MID2: variants seen among roughly 807,000 people sequenced by gnomAD.
MID2 encodes probable E3 ubiquitin-protein ligase MID2.
In MID2, 13 loss-of-function variants were observed where a neutral mutation model predicts 46.1. The observed-to-expected ratio is 0.28, with a 90% CI of 0.18 to 0.45. The LOEUF (loss-of-function observed/expected upper bound fraction) is 0.45, where lower values mean the gene tolerates loss of function less well. MID2 is among the 20% of genes least tolerant of loss of function. The pLI is 1.00. For missense variants in MID2, 431 were observed against 575.4 expected, an observed-to-expected ratio of 0.75 and a Z score of 2.57; for synonymous variants, 199 against 212.3, an observed-to-expected ratio of 0.94 and a Z score of 0.55.
chrX:107,844,876 G>A (rs1457683129), intron 2 of MID2, among the ~76,000 whole-genome samples: 2 of 111,753 alleles, frequency 1.8e-5, no homozygotes, highest in East Asian at 5.6e-4. Flanking sequence ...TCACAGCTAC[G>A]TCATAATCTC....
chrX:107,897,552 G>A (rs1932756369), intron 3 of MID2, among the ~76,000 whole-genome samples: 1 of 111,868 alleles, frequency 8.9e-6, no homozygotes, highest in Non-Finnish European at 1.9e-5. Flanking sequence ...TTGAAATGTT[G>A]CAGTGTTTAC....
At chrX:107,841,993 A>AAAAAC (rs1008321315) in intron 2 of MID2, among the ~76,000 whole-genome samples, 33 of 112,890 alleles carry the variant, frequency 2.9e-4, no homozygotes, top group Admixed American at 1.7e-3. Context: ...GCCTGCCTTT[A>AAAAAC]AAAACAAAAC....
At chrX:107,861,631 A>C (rs1044302553) in intron 3 of MID2, among the ~76,000 whole-genome samples, 2 of 112,189 alleles carry the variant, frequency 1.8e-5, no homozygotes, top group Non-Finnish European at 3.8e-5. Flanking sequence ...AAAACAGACA[A>C]ACAAACAAAC....
At chrX:107,834,263 A>G (rs969482657) in intron 1 of MID2, among the ~76,000 whole-genome samples, 2 of 112,053 alleles carry the variant, frequency 1.8e-5, no homozygotes, top group Non-Finnish European at 3.8e-5. Context: ...ACAAACATAC[A>G]TATCTGACTA....
chrX:107,885,513 G>A (rs1400238752), intron 3 of MID2, among the ~76,000 whole-genome samples: 1 of 111,243 alleles, frequency 9.0e-6, no homozygotes, highest in African/African-American at 3.3e-5. Flanking sequence ...TTTTGATCCA[G>A]TCTATTATTG....
At chrX:107,897,422 T>C (rs1313356138) in intron 3 of MID2, among the ~76,000 whole-genome samples, 1 of 112,088 alleles carries the variant, frequency 8.9e-6, no homozygotes, top group Non-Finnish European at 1.9e-5. Flanking sequence ...AATAATTTCA[T>C]TTATTTCTTG....
intron 3 of MID2, among the ~76,000 whole-genome samples, chrX:107,885,649 G>C (rs1421360958): frequency 8.9e-6 from 1 of 111,759 alleles, no homozygotes; most frequent in Non-Finnish European, 1.9e-5. Flanking sequence ...TAATGGGATG[G>C]CTGGGACAAA....
chrX:107,838,278 C>T (rs1454420549), intron 1 of MID2, among the ~76,000 whole-genome samples: 3 of 112,023 alleles, frequency 2.7e-5, no homozygotes, highest in Non-Finnish European at 3.8e-5. Flanking sequence ...ATGGAGCTCT[C>T]TAAGGCAATA....
At chrX:107,849,179 A>C (rs1343446613) in intron 2 of MID2, among the ~76,000 whole-genome samples, 3 of 112,251 alleles carry the variant, frequency 2.7e-5, no homozygotes, top group African/African-American at 9.7e-5. Flanking sequence ...GAATACAGAC[A>C]TTCTATGACA....
intron 2 of MID2, among the ~76,000 whole-genome samples, chrX:107,842,853 T>A (rs908286777): frequency 3.6e-5 from 4 of 112,070 alleles, no homozygotes; most frequent in Admixed American, 2.8e-4. Context: ...TAAAGTTGTA[T>A]AAACAGACCT....
chrX:107,866,874 G>A (rs1229446306), intron 3 of MID2, among the ~76,000 whole-genome samples: 1 of 112,256 alleles, frequency 8.9e-6, no homozygotes, highest in Non-Finnish European at 1.9e-5. Flanking sequence ...GTCATGCCAA[G>A]TGCTTTACAT....
At chrX:107,826,931 C>T (rs972806735) in intron 1 of MID2, among the ~76,000 whole-genome samples, 3 of 113,201 alleles carry the variant, frequency 2.7e-5, no homozygotes, top group Non-Finnish European at 5.6e-5. Flanking sequence ...CCCGGTGAAA[C>T]TTAATCCCTT....
chrX:107,890,645 T>G (rs759296663), intron 3 of MID2, among the ~76,000 whole-genome samples: 1 of 112,273 alleles, frequency 8.9e-6, no homozygotes, highest in East Asian at 2.8e-4. Flanking sequence ...TCTTCAAAGC[T>G]GTCAGACAGG....
At chrX:107,876,288 A>G (rs905428287) in intron 3 of MID2, among the ~76,000 whole-genome samples, 2 of 111,102 alleles carry the variant, frequency 1.8e-5, no homozygotes, top group African/African-American at 6.6e-5. Flanking sequence ...CTAAAGTACT[A>G]TCTGGTCCCA....
chrX:107,923,644 C>T (rs768310810), intron 7 of MID2, among the ~76,000 whole-genome samples: 39 of 110,899 alleles, frequency 3.5e-4, no homozygotes, highest in South Asian at 7.7e-4. Context: ...CTGTGGAGAC[C>T]GGCTAGTTTG....
At chrX:107,912,180 C>T (rs952125732) in intron 5 of MID2, among the ~76,000 whole-genome samples, 1 of 111,797 alleles carries the variant, frequency 8.9e-6, no homozygotes. Flanking sequence ...TTCTAGCTTC[C>T]AAACATTTGT....
In MID2 at chrX:107,931,174, C is replaced by T. The variant is rs957461084; in HGVS notation, c.*4101C>T. 8.9e-6 allele frequency among the ~76,000 whole-genome samples: 1 copy of T among 112,151 alleles called. No homozygotes were observed. Among genetic ancestry groups the T allele is most frequent in the Non-Finnish European group, 1.9e-5 (1 of 53,184 alleles). ...ATATGACTACCAAGATGGAGCAATC[C>T]ACGGATGGACTTTTGAATAAACTCA... On this transcript the variant is annotated 3_prime_UTR_variant, in exon 10 of 10. Transcript: ENST00000262843.
At chrX:107,836,147 C>G (rs1343857848) in intron 1 of MID2, among the ~76,000 whole-genome samples, 1 of 111,989 alleles carries the variant, frequency 8.9e-6, no homozygotes, top group African/African-American at 3.2e-5. Flanking sequence ...GTCTTGGAAC[C>G]CTTGTTGAAA....
At chrX:107,854,784 T>A (rs961086848) in intron 3 of MID2, 80 bp downstream of exon 3, 45 of 661,926 alleles carry the variant, frequency 6.8e-5, no homozygotes, top group Non-Finnish European at 9.4e-5. Context: ...TTTGTCAGAG[T>A]GTAGCCTAGT....
Sources: allele counts gnomAD v4.1 joint callset (sites outside exome capture counted in the v4.1 genomes callset), GRCh38; gene constraint gnomAD v4.1.1; transcripts MANE v1.5; gene names NCBI Gene and HGNC (gene_info 2026-07-23, HGNC 2026-07-21).